IPO9: variants seen among roughly 807,000 people sequenced by gnomAD.
IPO9 encodes the protein importin 9.
IPO9 carries 28 observed loss-of-function variants against 128.6 expected under a neutral mutation model. That is an observed-to-expected ratio of 0.22 (90% CI 0.16 to 0.30). IPO9 has a LOEUF of 0.30. IPO9 is among the 10% of genes least tolerant of loss of function. The probability of loss-of-function intolerance (pLI) is 1.00; values close to 1 mark genes in which losing one functional copy is unlikely to be tolerated. For missense variants in IPO9, 935 were observed against 1,293.9 expected (o/e 0.72, Z 4.26); for synonymous variants, 455 against 475.8 (o/e 0.96, Z 0.57).
At chr1:201,874,745 G>A (rs1680727022) in intron 21 of IPO9, 87 bp from the exon 22 acceptor site, 1 of 895,618 alleles carries the variant, frequency 1.1e-6, no homozygotes, top group South Asian at 1.4e-5. Context: ...GAAGCCTTTG[G>A]GGCCCTTCTA....
At chr1:201,849,671 T>C (rs1353130107) in intron 4 of IPO9, among the ~76,000 whole-genome samples, 4 of 152,244 alleles carry the variant, frequency 2.6e-5, no homozygotes, top group East Asian at 3.8e-4. Context: ...CTTTGTCAAA[T>C]GCAAATCTTT....
chr1:201,850,494 CA>C (rs1680194765), intron 4 of IPO9: 1 of 152,132 alleles, frequency 6.6e-6, no homozygotes, highest in African/African-American at 2.4e-5. Flanking sequence ...GCAAATATAG[CA>C]GCTAAGGATT....
chr1:201,846,529 G>A (rs185370329), intron 1 of IPO9, among the ~76,000 whole-genome samples: 1 of 152,154 alleles, frequency 6.6e-6, no homozygotes, highest in African/African-American at 2.4e-5. Flanking sequence ...CCGCTACCAT[G>A]CCTGACTAAT....
chr1:201,842,516 G>C (rs796901443), intron 1 of IPO9, among the ~76,000 whole-genome samples: 10 of 152,238 alleles, frequency 6.6e-5, no homozygotes, highest in African/African-American at 2.4e-4. Flanking sequence ...CCATCCTGAA[G>C]CTACCTAGGA....
chr1:201,855,516 C>T (rs1680314839), intron 9 of IPO9, among the ~76,000 whole-genome samples: 1 of 152,166 alleles, frequency 6.6e-6, no homozygotes, highest in Admixed American at 6.6e-5. Context: ...TTTAACATTT[C>T]TCATTATTTC....
In IPO9 at chr1:201,875,982, G is replaced by T. The variant is rs1419229972; in HGVS notation, c.3054G>T (p.Gln1018His). The T allele has an allele frequency of 6.2e-7, 1 of 1,613,880 alleles. No homozygotes were observed. Among genetic ancestry groups the T allele is most frequent in the East Asian group, 2.2e-5 (1 of 44,888 alleles). Reference protein sequence around the residue: ...LTDFLCQFAQQPCYIMFSGHL... With the variant: ...LTDFLCQFAQHPCYIMFSGHL... The stretch of plus-strand genomic sequence containing the variant: ...ATTTCCTCTGCCAGTTTGCTCAGCA[G>T]CCCTGCTACATAATGTTTTCAGGCC... Residue 1018 changes from glutamine to histidine, a missense_variant, in exon 24 of 24, where the codon CAG (glutamine) becomes CAT (histidine). Transcript: ENST00000361565.
Position 201,880,901 on chromosome 1 carries a change from T to A in IPO9, c.*4847T>A, listed in dbSNP as rs796712566. The stretch of plus-strand genomic sequence containing the variant: ...CTTTATTATAAAATAGGCTTTGTGT[T>A]AGATGAGTTTGCCCAACTGTAAGCT... On this transcript the variant is annotated 3_prime_UTR_variant, in exon 24 of 24. Transcript: ENST00000361565. 1.3e-5 allele frequency: 2 copies of A among 152,240 alleles called. No homozygotes were observed. Among genetic ancestry groups the A allele is most frequent in the African/African-American group, 4.8e-5 (2 of 41,458 alleles). The allele number at this position is 152,240 out of a possible 1,614,324, so 9.4% of individuals were successfully genotyped here.
At chr1:201,872,632 A>AC (rs35521088) in intron 19 of IPO9, among the ~76,000 whole-genome samples, 196 bp from the exon 20 acceptor site, 5 of 151,122 alleles carry the variant, frequency 3.3e-5, no homozygotes, top group Admixed American at 2.6e-4. Flanking sequence ...AACAACAACA[A>AC]AAAAGCACAG....
Position 201,848,381 on chromosome 1 carries a change from T to C in IPO9, c.313-12T>C. 1 of 1,613,574 alleles carries C rather than the reference T, an allele frequency of 6.2e-7. No homozygotes were observed. The highest frequency in any genetic ancestry group is 8.5e-7 in the Non-Finnish European group (1 of 1,179,492). On this transcript the variant is annotated splice_polypyrimidine_tract_variant and intron_variant, in intron 3 of 23. Transcript: ENST00000361565. The stretch of plus-strand genomic sequence containing the variant: ...CCTGATCTAATAGCAGGTGGACTTT[T>C]ATCCCTTACAGGCAAAAATTGTTAT...
chr1:201,854,445 C>T (rs1680291019), intron 6 of IPO9, 150 bp from the exon 7 acceptor site: 15 of 901,326 alleles, frequency 1.7e-5, no homozygotes, highest in Non-Finnish European at 2.4e-5. Flanking sequence ...TTAGGTAACA[C>T]CTTCATTGAC....
chr1:201,854,683 C>CT lies in IPO9; in HGVS notation c.780dup (p.Asp261Ter). 1 of 1,614,208 alleles carries CT rather than the reference C, an allele frequency of 6.2e-7. No homozygotes were observed. Among genetic ancestry groups the CT allele is most frequent in the South Asian group, 1.1e-5 (1 of 91,084 alleles). ...CTCCAGATACCAGATGGCCCCACAT[C>CT]TGACAGTGGGTTTAAGATGGAGGTC... is the stretch of plus-strand genomic sequence containing the variant. On this transcript the variant is annotated frameshift_variant, in exon 7 of 24. Transcript: ENST00000361565. LOFTEE classifies it high-confidence loss of function.
intron 9 of IPO9, 55 bp from the exon 10 acceptor site, chr1:201,855,728 A>G (rs1399700112): frequency 1.3e-6 from 2 of 1,494,556 alleles, no homozygotes; most frequent in Non-Finnish European, 1.8e-6. Flanking sequence ...TTCTGCATAT[A>G]TGCTTTCCTT....
chr1:201,852,968 C>T (rs766873523), intron 5 of IPO9, 43 bp from the exon 6 acceptor site: 3 of 1,480,984 alleles, frequency 2.0e-6, no homozygotes, highest in Admixed American at 1.7e-5. Flanking sequence ...CCTACACACT[C>T]CAGTCTCGTG....
intron 20 of IPO9, among the ~76,000 whole-genome samples, chr1:201,873,751 A>G (rs1289842202): frequency 1.3e-5 from 2 of 150,066 alleles, no homozygotes; most frequent in African/African-American, 2.4e-5. Flanking sequence ...CTGTCTGAAG[A>G]AAAAAAAAAG....
chr1:201,866,805 C>T lies in IPO9; in HGVS notation c.1701C>T (p.Gly567=). The change falls in exon 15 of 24, where the codon GGC becomes GGT. Residue 567 remains glycine (G), a synonymous_variant. Coordinates refer to ENST00000361565, the MANE Select transcript of IPO9 (RefSeq NM_018085.5). ...CCTTCCTCCCCAGCATCCTTGATGG[C>T]TTAATTCACCTAGCAGCCCAGTTCA... ...LQPFLPSILD[G]LIHLAAQFSS... 3 of 1,614,168 alleles carry T rather than the reference C, an allele frequency of 1.9e-6. No individual in the cohort carries two copies. Among genetic ancestry groups the T allele is most frequent in the South Asian group, 1.1e-5 (1 of 91,084 alleles).
chr1:201,844,522 A>G (rs956382014), intron 1 of IPO9, among the ~76,000 whole-genome samples: 3 of 152,310 alleles, frequency 2.0e-5, no homozygotes, highest in Middle Eastern at 3.4e-3. Flanking sequence ...AAACTGGTGA[A>G]GTTCTTATCA....
At chr1:201,861,268 C>A (rs1324212582) in intron 13 of IPO9, among the ~76,000 whole-genome samples, 1 of 152,224 alleles carries the variant, frequency 6.6e-6, no homozygotes. Flanking sequence ...GGAACTGCTT[C>A]TGTACATTAT....
intron 9 of IPO9, among the ~76,000 whole-genome samples, chr1:201,855,462 G>T (rs1439194805): frequency 6.6e-6 from 1 of 152,134 alleles, no homozygotes; most frequent in Non-Finnish European, 1.5e-5. Context: ...GCATTTTGTT[G>T]TGTTTCATTT....
Position 201,874,234 on chromosome 1 carries a change from T to C in IPO9, c.2711-16T>C, listed in dbSNP as rs538898199. On this transcript the variant is annotated splice_polypyrimidine_tract_variant and intron_variant, in intron 20 of 23. Transcript: ENST00000361565. ...TCAGTGACACTCTGACTTGAAACCT[T>C]TTTCTTCCTTCCCAGACCCAGAACG... 1 of 1,613,388 alleles carries C rather than the reference T, an allele frequency of 6.2e-7. No individual in the cohort carries two copies. Among genetic ancestry groups the C allele is most frequent in the South Asian group, 1.1e-5 (1 of 91,004 alleles).
Sources: gnomAD v4.1 joint callset for allele counts (sites outside exome capture counted in the v4.1 genomes callset) on GRCh38, gnomAD v4.1.1 for gene constraint, MANE v1.5 for transcripts, NCBI Gene and HGNC (gene_info 2026-07-23, HGNC 2026-07-21) for gene names.